The following WDR45B variants were observed in gnomAD, a reference collection of about 807,000 sequenced individuals.
WDR45B encodes WD repeat domain 45B.
WDR45B carries 20 observed loss-of-function variants against 44.6 expected under a neutral mutation model. The ratio of observed to expected loss-of-function variants is 0.45; its 90% CI spans 0.32 to 0.65. The LOEUF (loss-of-function observed/expected upper bound fraction) is 0.65. Ranked by LOEUF, WDR45B falls within the 30% of genes least tolerant of loss-of-function variation. The pLI, the probability that WDR45B is intolerant of heterozygous loss-of-function variation, is 0.05. For missense variants in WDR45B, 323 were observed against 430.2 expected (o/e 0.75, Z 2.20); for synonymous variants, 169 against 164.9 (o/e 1.02, Z -0.19).
intron 2 of WDR45B, among the ~76,000 whole-genome samples, chr17:82,635,595 G>A (rs957281434): frequency 2.0e-5 from 3 of 151,440 alleles, no homozygotes; most frequent in African/African-American, 7.3e-5. Context: ...GCTAATTTTT[G>A]TATTTTTAGT....
intron 3 of WDR45B, among the ~76,000 whole-genome samples, chr17:82,628,371 C>T (rs1262533605): frequency 6.6e-6 from 1 of 152,058 alleles, no homozygotes; most frequent in East Asian, 1.9e-4. Context: ...CATAAATTAG[C>T]AGTTTGTGTT....
intron 2 of WDR45B, among the ~76,000 whole-genome samples, chr17:82,641,084 A>G (rs1471213644): frequency 1.3e-5 from 2 of 149,194 alleles, no homozygotes; most frequent in Admixed American, 6.8e-5. Context: ...TCGTGCCTCA[A>G]CCTCCCCAGT....
intron 2 of WDR45B, among the ~76,000 whole-genome samples, chr17:82,642,445 G>A (rs542916191): frequency 2.6e-5 from 4 of 152,322 alleles, no homozygotes; most frequent in South Asian, 2.1e-4. Context: ...CCCCGGTGCC[G>A]AAAAGGCTGC....
chr17:82,645,939 G>C (rs756289198), intron 1 of WDR45B, among the ~76,000 whole-genome samples: 1 of 151,842 alleles, frequency 6.6e-6, no homozygotes, highest in Non-Finnish European at 1.5e-5. Context: ...TGGCTAACAC[G>C]GTGAAACCCC....
intron 3 of WDR45B, among the ~76,000 whole-genome samples, chr17:82,629,027 A>G (rs952006564): frequency 2.6e-5 from 4 of 152,204 alleles, no homozygotes; most frequent in African/African-American, 9.6e-5. Flanking sequence ...AATCAAGTTT[A>G]CTAGTAAAAA....
chr17:82,637,787 T>A (rs1261364751), intron 2 of WDR45B, among the ~76,000 whole-genome samples: 1 of 151,932 alleles, frequency 6.6e-6, no homozygotes, highest in Non-Finnish European at 1.5e-5. Flanking sequence ...CTGAACCCCG[T>A]CTCCTTGGGA....
In WDR45B at chr17:82,644,007, C is replaced by G; in HGVS notation, c.84G>C (p.Gly28=). 1 of 1,614,072 alleles carries G rather than the reference C, an allele frequency of 6.2e-7. No homozygotes were observed. The change falls in exon 2 of 10, where the codon GGG becomes GGC. Residue 28 remains glycine, a synonymous_variant. Coordinates refer to ENST00000392325, the MANE Select transcript of WDR45B (RefSeq NM_019613.4). ...FNQDHGCFAC[G]MENGFRVYNT... The stretch of plus-strand genomic sequence containing the variant: ...TATAGACTCGGAATCCATTTTCCAT[C>G]CCACACGCAAAGCATCCTAAAGCAG...
intron 2 of WDR45B, among the ~76,000 whole-genome samples, chr17:82,639,794 G>A (rs1174226336): frequency 6.7e-6 from 1 of 148,590 alleles, no homozygotes; most frequent in Non-Finnish European, 1.5e-5. Flanking sequence ...TGTGGGGTCG[G>A]GAGGGCTGCT....
chr17:82,620,386 T>C lies in WDR45B; in HGVS notation c.618+1223A>G, dbSNP rs189499984. 1.1e-3 allele frequency among the ~76,000 whole-genome samples: 166 copies of C among 152,258 alleles called. 3 individuals carry two copies. The East Asian group carries it at 0.03, about 28-fold the overall frequency. On this transcript the variant is annotated intron_variant, in intron 6 of 9. Coordinates refer to ENST00000392325, the MANE Select transcript of WDR45B (RefSeq NM_019613.4). Reference sequence around the variant, plus strand: ...AGGCGGAGGTGGCAGTGAGCTGAGATCACGCCACTGCACTCCAGCCTGGGT... The same window carrying C: ...AGGCGGAGGTGGCAGTGAGCTGAGACCACGCCACTGCACTCCAGCCTGGGT...
At chr17:82,641,634 T>C (rs1009977948) in intron 2 of WDR45B, among the ~76,000 whole-genome samples, 8 of 152,130 alleles carry the variant, frequency 5.3e-5, no homozygotes, top group African/African-American at 1.7e-4. Flanking sequence ...CGGTGGCTCA[T>C]GCCTGTAATC....
At chr17:82,631,580 C>G (rs923039409) in intron 2 of WDR45B, among the ~76,000 whole-genome samples, 1 of 98,144 alleles carries the variant, frequency 1.0e-5, no homozygotes. Flanking sequence ...CCACTGTGCC[C>G]GGCCTACAGG....
chr17:82,639,166 C>T (rs1598277101), intron 2 of WDR45B, among the ~76,000 whole-genome samples: 2 of 151,976 alleles, frequency 1.3e-5, no homozygotes, highest in African/African-American at 2.4e-5. Context: ...TCCTATAACA[C>T]CATCTATGCT....
rs975806968 is a variant in WDR45B at position 82,648,431 on chromosome 17, C to T, written c.-91G>A. The T allele has an allele frequency of 9.4e-6, 14 of 1,496,910 alleles. No homozygotes were observed. The highest frequency in any genetic ancestry group is 1.4e-5 in the African/African-American group (1 of 69,516). The allele number at this position is 1,496,910 out of a possible 1,614,324, so 92.7% of individuals were successfully genotyped here. A position where few individuals can be genotyped will look rare whatever the true frequency, so the allele number is the denominator to read the frequency against. The stretch of plus-strand genomic sequence containing the variant: ...TCCCTTCGGGCCGGCGCTGAGGCCG[C>T]CGCGGCCGGAAGTGCCGGACGTACG... On this transcript the variant is annotated 5_prime_UTR_variant, in exon 1 of 10. Transcript: ENST00000392325.
Position 82,621,733 on chromosome 17 carries a change from T to A in WDR45B, c.494A>T (p.His165Leu). ...LLAFPGTHTG[H>L]VQLVDLASTE... Reference sequence around the variant, plus strand: ...GCTGGCCAGGTCCACAAGCTGCACATGGCCCGTGTGCGTGCCCGGAAAGGC... The same window carrying A: ...GCTGGCCAGGTCCACAAGCTGCACAAGGCCCGTGTGCGTGCCCGGAAAGGC... The change falls in exon 6 of 10, where the codon CAT (histidine) becomes CTT (leucine). Residue 165 changes from histidine (H) to leucine (L), a missense_variant. Physicochemically the swap from His to Leu is moderately conservative, Grantham distance 99. Coordinates refer to ENST00000392325, the MANE Select transcript of WDR45B (RefSeq NM_019613.4). 6.2e-7 allele frequency: 1 copy of A among 1,614,200 alleles called. No homozygotes were observed. The highest frequency in any genetic ancestry group is 8.5e-7 in the Non-Finnish European group (1 of 1,180,038).
chr17:82,625,763 C>T (rs2045688088), intron 4 of WDR45B: 1 of 464,172 alleles, frequency 2.2e-6, no homozygotes, highest in South Asian at 2.1e-5. Flanking sequence ...AACACTCCAT[C>T]TAGGTTCAGA....
intron 3 of WDR45B, among the ~76,000 whole-genome samples, chr17:82,630,656 A>G (rs1044035308): frequency 1.3e-5 from 2 of 152,202 alleles, no homozygotes; most frequent in Non-Finnish European, 2.9e-5. Context: ...TTACGACGTC[A>G]ACCTAAGGTG....
Position 82,615,761 on chromosome 17 carries a change from G to A in WDR45B, c.*158C>T, listed in dbSNP as rs2045523976. On this transcript the variant is annotated 3_prime_UTR_variant, in exon 10 of 10. Transcript: ENST00000392325. ...GATTCTCTCTTTAATACTGGAAATG[G>A]GAGTCCTTAGGAAAGCAGACAACCA... 3 of 687,124 alleles carry A rather than the reference G, an allele frequency of 4.4e-6. No individual in the cohort carries two copies. The highest frequency in any genetic ancestry group is 7.8e-6 in the Non-Finnish European group (3 of 384,470). The allele number at this position is 687,124 out of a possible 1,614,324, so 42.6% of individuals were successfully genotyped here.
chr17:82,629,513 AAG>A, intron 3 of WDR45B: 1 of 985,474 alleles, frequency 1.0e-6, no homozygotes, highest in Non-Finnish European at 1.2e-6. Flanking sequence ...CTCTGCTTTA[AAG>A]CTGGCACAGA....
In WDR45B at chr17:82,648,370, A is replaced by C; in HGVS notation, c.-30T>G. ...CCGCCGTGCTGGGTCGCCGCTCCTC[A>C]GCGCTGCATGCCTCTCGCTGGGGAC... On this transcript the variant is annotated 5_prime_UTR_variant, in exon 1 of 10. An upstream open reading frame in the 5' UTR loses its in-frame stop. Transcript: ENST00000392325. 1.9e-6 allele frequency: 3 copies of C among 1,600,440 alleles called. No homozygotes were observed. The highest frequency in any genetic ancestry group is 2.6e-6 in the Non-Finnish European group (3 of 1,175,516).
Sources: allele counts gnomAD v4.1 joint callset (sites outside exome capture counted in the v4.1 genomes callset), GRCh38; gene constraint gnomAD v4.1.1; transcripts MANE v1.5; gene names NCBI Gene and HGNC (gene_info 2026-07-23, HGNC 2026-07-21).